Variants in LYRM4 observed in about 807,000 individuals in gnomAD.
The protein encoded by LYRM4 is LYR motif-containing protein 4.
A neutral mutation model predicts 11.7 loss-of-function variants in LYRM4; 9 were observed. The observed-to-expected ratio is 0.77, with a 90% CI of 0.46 to 1.34. The LOEUF is 1.34. Among genes scored for constraint, LYRM4 ranks in the 40% most tolerant of loss-of-function variants. The probability of loss-of-function intolerance (pLI) is 0.00; values close to 1 mark genes in which losing one functional copy is unlikely to be tolerated. For synonymous variants in LYRM4, 42 were observed against 40.4 expected, an observed-to-expected ratio of 1.04 and a Z score of -0.15; for missense variants, 133 against 112.5, an observed-to-expected ratio of 1.18 and a Z score of -0.82.
intron 1 of LYRM4, among the ~76,000 whole-genome samples, chr6:5,249,175 G>C (rs1010618190): frequency 1.3e-5 from 2 of 152,180 alleles, no homozygotes; most frequent in African/African-American, 4.8e-5. Context: ...CAAATATTCT[G>C]CTAGAAAGTT....
intron 1 of LYRM4, among the ~76,000 whole-genome samples, chr6:5,227,645 A>G (rs1762971157): frequency 6.6e-6 from 1 of 152,192 alleles, no homozygotes; most frequent in Non-Finnish European, 1.5e-5. Flanking sequence ...TATATACCCA[A>G]AGGATTATAA....
chr6:5,146,329 C>T lies in LYRM4; in HGVS notation c.208-36838G>A, dbSNP rs143860941. On this transcript the variant is annotated intron_variant, in intron 2 of 2. Coordinates refer to ENST00000330636, the MANE Select transcript of LYRM4 (RefSeq NM_020408.6). Reference sequence around the variant, plus strand: ...CTCAGAGTAAAGAATGGGCCTGTGCCAGGTCTGTGCTTCCATCTTGCTCGC... The same window carrying T: ...CTCAGAGTAAAGAATGGGCCTGTGCTAGGTCTGTGCTTCCATCTTGCTCGC... Among the ~76,000 whole-genome samples the T allele has an allele frequency of 5.3e-3, 801 of 152,306 alleles. 7 individuals are homozygous for T. The highest frequency in any genetic ancestry group is 0.018 in the African/African-American group (764 of 41,566).
intron 1 of LYRM4, among the ~76,000 whole-genome samples, chr6:5,242,200 G>T (rs549236036): frequency 2.6e-5 from 4 of 151,668 alleles, no homozygotes; most frequent in African/African-American, 9.7e-5. Context: ...AGCCTCCTGA[G>T]TAACTAGGAC....
intron 2 of LYRM4, among the ~76,000 whole-genome samples, chr6:5,207,744 T>C (rs1366417082): frequency 2.0e-5 from 3 of 152,186 alleles, no homozygotes; most frequent in Non-Finnish European, 4.4e-5. Flanking sequence ...TTCGTATTTA[T>C]TTTCTTTTGA....
At chr6:5,238,497 TAAGTC>T (rs1763680901) in intron 1 of LYRM4, among the ~76,000 whole-genome samples, 1 of 152,236 alleles carries the variant, frequency 6.6e-6, no homozygotes, top group African/African-American at 2.4e-5. Flanking sequence ...CTGGATATAT[TAAGTC>T]AACTAACAAA....
intron 2 of LYRM4, among the ~76,000 whole-genome samples, chr6:5,120,053 TCTGG>T (rs1241554508): frequency 1.2e-4 from 18 of 151,920 alleles, no homozygotes; most frequent in African/African-American, 3.9e-4. Context: ...TGCCACCACG[TCTGG>T]CTAATTTTTT....
At chr6:5,184,043 T>C (rs2127682008) in intron 2 of LYRM4, among the ~76,000 whole-genome samples, 1 of 152,312 alleles carries the variant, frequency 6.6e-6, no homozygotes, top group Non-Finnish European at 1.5e-5. Context: ...TTTTTACTTG[T>C]CCATTTTTTT....
intron 1 of LYRM4, among the ~76,000 whole-genome samples, chr6:5,216,950 T>C (rs1485712829): frequency 1.3e-5 from 2 of 152,214 alleles, no homozygotes; most frequent in Non-Finnish European, 2.9e-5. Flanking sequence ...ACTCAACAAG[T>C]CACATACAAA....
At chr6:5,190,900 C>T (rs908692714) in intron 2 of LYRM4, among the ~76,000 whole-genome samples, 1 of 152,114 alleles carries the variant, frequency 6.6e-6, no homozygotes, top group Non-Finnish European at 1.5e-5. Flanking sequence ...AAAACTTTGT[C>T]TCTGTGTTTA....
At chr6:5,166,929 A>G (rs1300205309) in intron 2 of LYRM4, among the ~76,000 whole-genome samples, 1 of 152,222 alleles carries the variant, frequency 6.6e-6, no homozygotes, top group Non-Finnish European at 1.5e-5. Flanking sequence ...CATTCAAACC[A>G]AATCAGTCTT....
intron 1 of LYRM4, among the ~76,000 whole-genome samples, chr6:5,253,205 G>C (rs982734049): frequency 6.6e-6 from 1 of 152,138 alleles, no homozygotes; most frequent in Non-Finnish European, 1.5e-5. Context: ...ATGCATTTGG[G>C]CATCACTTTA....
At chr6:5,037,886 C>T in the LYRM4 span, among the ~76,000 whole-genome samples, 3 of 52,586 alleles carry the variant, frequency 5.7e-5, 1 homozygote, top group Admixed American at 7.6e-4. Flanking sequence ...CCAGTAGGGG[C>T]GGCCGGGCAA....
chr6:5,045,712 C>T, the LYRM4 span, among the ~76,000 whole-genome samples: 1 of 152,172 alleles, frequency 6.6e-6, no homozygotes, highest in Non-Finnish European at 1.5e-5. Context: ...TTCCCATTTC[C>T]ATTTTGCCTC....
chr6:5,228,447 T>C (rs987873751), intron 1 of LYRM4, among the ~76,000 whole-genome samples: 1 of 152,014 alleles, frequency 6.6e-6, no homozygotes, highest in African/African-American at 2.4e-5. Context: ...TGGCTAATTT[T>C]TGTATATCTT....
At chr6:5,145,363 C>T (rs1032950752) in intron 2 of LYRM4, among the ~76,000 whole-genome samples, 4 of 152,246 alleles carry the variant, frequency 2.6e-5, no homozygotes, top group South Asian at 2.1e-4. Context: ...ATCGCCCTCA[C>T]GCTGCAAACA....
intron 2 of LYRM4, among the ~76,000 whole-genome samples, chr6:5,210,967 C>T (rs1232036918): frequency 1.3e-5 from 2 of 152,084 alleles, no homozygotes; most frequent in African/African-American, 4.8e-5. Flanking sequence ...AGTATATAAT[C>T]ATTTTCATGT....
At chr6:5,109,838 T>G (rs1762798580) in intron 2 of LYRM4, among the ~76,000 whole-genome samples, 1 of 152,252 alleles carries the variant, frequency 6.6e-6, no homozygotes, top group African/African-American at 2.4e-5. Context: ...GAGGGCTTCC[T>G]TCCCTTAGAA....
At chr6:5,089,741 G>A in the LYRM4 span, among the ~76,000 whole-genome samples, 10 of 152,184 alleles carry the variant, frequency 6.6e-5, no homozygotes, top group Non-Finnish European at 1.0e-4. Flanking sequence ...AGACTAGTGC[G>A]TCAAATGTTC....
intron 2 of LYRM4, among the ~76,000 whole-genome samples, chr6:5,204,060 C>T (rs938015027): frequency 6.6e-6 from 1 of 152,196 alleles, no homozygotes; most frequent in Non-Finnish European, 1.5e-5. Context: ...ACAATTATGC[C>T]TATTTTACAG....
Sources: gnomAD v4.1 joint callset for allele counts (sites outside exome capture counted in the v4.1 genomes callset) on GRCh38, gnomAD v4.1.1 for gene constraint, MANE v1.5 for transcripts, NCBI Gene and HGNC (gene_info 2026-07-23, HGNC 2026-07-21) for gene names.